The following FAM13A variants were observed in gnomAD, a reference collection of about 807,000 sequenced individuals.
FAM13A encodes protein FAM13A.
FAM13A carries 76 observed loss-of-function variants against 129.6 expected under a neutral mutation model. The ratio of observed to expected loss-of-function variants is 0.59; its 90% CI spans 0.49 to 0.71. FAM13A has a LOEUF of 0.71. FAM13A is among the 30% of genes least tolerant of loss of function. The pLI, the probability that FAM13A is intolerant of heterozygous loss-of-function variation, is 0.00. For synonymous variants in FAM13A, 443 were observed against 449.9 expected (o/e 0.98, Z 0.20); for missense variants, 1,108 against 1,249.3 (o/e 0.89, Z 1.70).
At chr4:88,866,663 C>T (rs1443099981) in intron 6 of FAM13A, among the ~76,000 whole-genome samples, 2 of 152,050 alleles carry the variant, frequency 1.3e-5, no homozygotes, top group Non-Finnish European at 2.9e-5. Context: ...ATATTCCAAT[C>T]AAGGAAATAC....
At chr4:88,863,503 G>T (rs1406889209) in intron 6 of FAM13A, among the ~76,000 whole-genome samples, 1 of 152,134 alleles carries the variant, frequency 6.6e-6, no homozygotes, top group Non-Finnish European at 1.5e-5. Flanking sequence ...AACTGTTCTA[G>T]CAAATTATCA....
At chr4:88,961,346 CCTTTTTTTTTTTT>C (rs1758574031) in intron 4 of FAM13A, among the ~76,000 whole-genome samples, 9 of 89,326 alleles carry the variant, frequency 1.0e-4, no homozygotes, top group African/African-American at 3.9e-4. Flanking sequence ...GTGGAATTTG[CCTTTTTTTTTTTT>C]TTTTTTTTTT....
intron 5 of FAM13A, among the ~76,000 whole-genome samples, chr4:88,922,441 CTG>C: frequency 6.6e-6 from 1 of 152,250 alleles, no homozygotes; most frequent in South Asian, 2.1e-4. Flanking sequence ...CAACCTGCTC[CTG>C]AGTGACTACT....
chr4:88,891,181 GAGA>G (rs1745246902), intron 6 of FAM13A, among the ~76,000 whole-genome samples: 1 of 152,200 alleles, frequency 6.6e-6, no homozygotes, highest in African/African-American at 2.4e-5. Context: ...TCAGCACATT[GAGA>G]GGCTGAGGCA....
intron 11 of FAM13A, among the ~76,000 whole-genome samples, chr4:88,779,777 T>C (rs1722503646): frequency 6.6e-6 from 1 of 152,208 alleles, no homozygotes; most frequent in African/African-American, 2.4e-5. Flanking sequence ...TTTCCACTTC[T>C]ATTAACTATT....
At chr4:88,961,086 T>C (rs578087532) in intron 4 of FAM13A, among the ~76,000 whole-genome samples, 4 of 152,116 alleles carry the variant, frequency 2.6e-5, no homozygotes, top group Non-Finnish European at 4.4e-5. Context: ...CTAATAAAAA[T>C]AGTGATAGAA....
chr4:88,769,340 T>C (rs1720142632), intron 11 of FAM13A, among the ~76,000 whole-genome samples: 1 of 152,132 alleles, frequency 6.6e-6, no homozygotes, highest in Admixed American at 6.6e-5. Context: ...CATTAAAGAA[T>C]AGAAACAAAG....
At chr4:88,843,247 C>T (rs1736124758) in intron 7 of FAM13A, among the ~76,000 whole-genome samples, 1 of 152,198 alleles carries the variant, frequency 6.6e-6, no homozygotes, top group Admixed American at 6.5e-5. Context: ...GAATTGCATG[C>T]TGAAGCGCAC....
intron 18 of FAM13A, 122 bp downstream of exon 18, chr4:88,747,509 G>GT (rs1171586498): frequency 2.5e-6 from 2 of 807,026 alleles, no homozygotes; most frequent in East Asian, 4.9e-5. Context: ...CCCTAGACAC[G>GT]TAACAGCCTG....
chr4:88,808,143 CT>C (rs1487259980), intron 7 of FAM13A, among the ~76,000 whole-genome samples: 8 of 152,034 alleles, frequency 5.3e-5, no homozygotes, highest in African/African-American at 1.9e-4. Context: ...TAAAAGTACC[CT>C]TTTCTGGGAT....
At chr4:88,848,880 A>C (rs1473153852) in intron 7 of FAM13A, among the ~76,000 whole-genome samples, 4 of 152,182 alleles carry the variant, frequency 2.6e-5, no homozygotes, top group Non-Finnish European at 4.4e-5. Flanking sequence ...TGTAAACTGC[A>C]GATGTCCTGA....
intron 6 of FAM13A, among the ~76,000 whole-genome samples, chr4:88,862,153 G>C (rs564736404): frequency 1.3e-5 from 2 of 152,308 alleles, no homozygotes; most frequent in South Asian, 4.1e-4. Flanking sequence ...CATTAATCAT[G>C]TAATTGCATG....
intron 6 of FAM13A, among the ~76,000 whole-genome samples, chr4:88,870,571 C>A (rs1447171152): frequency 6.6e-6 from 1 of 152,228 alleles, no homozygotes; most frequent in Non-Finnish European, 1.5e-5. Context: ...AGGTGAAAGC[C>A]TGGCTGGGGG....
At chr4:88,887,448 A>G (rs1002472749) in intron 6 of FAM13A, among the ~76,000 whole-genome samples, 8 of 152,054 alleles carry the variant, frequency 5.3e-5, no homozygotes, top group Admixed American at 4.6e-4. Context: ...GAAGCCAAAG[A>G]GCTTTCATTC....
intron 6 of FAM13A, chr4:88,855,781 C>T (rs1287668708): frequency 6.6e-6 from 1 of 151,202 alleles, no homozygotes; most frequent in Non-Finnish European, 1.5e-5. Context: ...ATAAAAAAGA[C>T]ATTAAAATAT....
At chr4:88,836,094 T>C (rs990052463) in intron 7 of FAM13A, among the ~76,000 whole-genome samples, 5 of 152,160 alleles carry the variant, frequency 3.3e-5, no homozygotes, top group Non-Finnish European at 5.9e-5. Context: ...CACAATCCCA[T>C]TGCTTCCATA....
At chr4:88,911,394 C>T (rs1399097369) in intron 5 of FAM13A, among the ~76,000 whole-genome samples, 1 of 152,218 alleles carries the variant, frequency 6.6e-6, no homozygotes, top group Non-Finnish European at 1.5e-5. Flanking sequence ...CCCTCATGTA[C>T]AGCAATTCTG....
At chr4:88,872,431 G>T (rs2150081627) in intron 6 of FAM13A, among the ~76,000 whole-genome samples, 1 of 152,264 alleles carries the variant, frequency 6.6e-6, no homozygotes, top group East Asian at 1.9e-4. Flanking sequence ...AAAATAAAGG[G>T]ATGGAGGAAG....
At chr4:88,887,841 CCTTT>C (rs1744711024) in intron 6 of FAM13A, among the ~76,000 whole-genome samples, 1 of 151,970 alleles carries the variant, frequency 6.6e-6, no homozygotes, top group Admixed American at 6.6e-5. Context: ...TCCATATGTG[CCTTT>C]CTTGTTATTT....
Sources: allele counts gnomAD v4.1 joint callset (sites outside exome capture counted in the v4.1 genomes callset), GRCh38; gene constraint gnomAD v4.1.1; transcripts MANE v1.5; gene names NCBI Gene and HGNC (gene_info 2026-07-23, HGNC 2026-07-21).